PTOV1: variants seen among roughly 807,000 people sequenced by gnomAD.
PTOV1 encodes prostate tumor-overexpressed gene 1 protein.
In PTOV1, 20 loss-of-function variants were observed where a neutral mutation model predicts 58.0. The observed-to-expected ratio is 0.34, with a 90% CI of 0.24 to 0.50. The LOEUF (loss-of-function observed/expected upper bound fraction) is 0.50. Ranked by LOEUF, PTOV1 falls within the 20% of genes least tolerant of loss-of-function variation. PTOV1 has a pLI of 0.98. For missense variants in PTOV1, 593 were observed against 565.4 expected (o/e 1.05, Z -0.50); for synonymous variants, 335 against 234.2 (o/e 1.43, Z -3.93).
At position 49,858,122 on chromosome 19, in the gene PTOV1, G is replaced by A. The variant is rs755010048; in HGVS notation, c.936+8G>A. On this transcript the variant is annotated splice_region_variant and intron_variant, in intron 9 of 11. Transcript: ENST00000391842. ...ATCCCGCAGCAGCTGCTGGTGAGGG[G>A]CTGGGGCCGGGTGCTGGAGCCTGCA... 1.6e-5 allele frequency: 25 copies of A among 1,612,454 alleles called. No individual in the cohort carries two copies. The highest frequency in any genetic ancestry group is 2.0e-5 in the Non-Finnish European group (24 of 1,179,716).
intron 1 of PTOV1, chr19:49,852,113 G>C: frequency 1.0e-6 from 1 of 977,264 alleles, no homozygotes; most frequent in Non-Finnish European, 1.2e-6. Flanking sequence ...AGATGCACAT[G>C]CTTTTCAGAA....
At chr19:49,860,174 G>A in exon 11 of PTOV1, 2 of 1,614,184 alleles carry the variant, frequency 1.2e-6, no homozygotes, top group Non-Finnish European at 1.7e-6. Flanking sequence ...AGGAGCAACA[G>A]CAACGAGGGG....
In PTOV1 at chr19:49,860,196, G is replaced by A. The variant is rs1480771342; in HGVS notation, c.1239+13G>A. 1 of 1,613,844 alleles carries A rather than the reference G, an allele frequency of 6.2e-7. No homozygotes were observed. Among genetic ancestry groups the A allele is most frequent in the Non-Finnish European group, 8.5e-7 (1 of 1,179,958 alleles). On this transcript the variant is annotated intron_variant, in intron 11 of 11. Coordinates refer to ENST00000391842, the Ensembl canonical transcript of PTOV1. ...ACAGCAACGAGGGGTGAGGTGGCCG[G>A]CCTCCAGGGCTGCTCAGTCTCCCTC... is the stretch of plus-strand genomic sequence containing the variant.
chr19:49,859,889 T>C (rs1458994892), intron 10 of PTOV1, 97 bp from the exon 11 acceptor site: 3 of 1,330,046 alleles, frequency 2.3e-6, no homozygotes, highest in Non-Finnish European at 3.2e-6. Context: ...GCAGTTAGGC[T>C]GTGCCTGGCT....
chr19:49,860,537 G>A (rs1040897391), exon 12 of PTOV1: 2 of 606,350 alleles, frequency 3.3e-6, no homozygotes, highest in African/African-American at 1.9e-5. Context: ...GGTGGGGCCA[G>A]GCCTCTGCTC....
At chr19:49,857,543 G>A (rs989175272) in intron 6 of PTOV1, 150 bp from the exon 7 acceptor site, 2 of 738,396 alleles carry the variant, frequency 2.7e-6, no homozygotes, top group Non-Finnish European at 4.6e-6. Flanking sequence ...GAGCAGATGA[G>A]GGGCAGGGCC....
chr19:49,854,238 C>T (rs928379422), intron 1 of PTOV1, among the ~76,000 whole-genome samples, 168 bp from the exon 2 acceptor site: 3 of 152,100 alleles, frequency 2.0e-5, no homozygotes, highest in African/African-American at 7.2e-5. Flanking sequence ...TGAGGACCAG[C>T]GTGTGGGGGT....
chr19:49,852,564 C>T (rs1004077854), intron 1 of PTOV1: 1 of 152,198 alleles, frequency 6.6e-6, no homozygotes, highest in African/African-American at 2.4e-5. Flanking sequence ...TGCACCTTAA[C>T]CGTCGTTTTT....
chr19:49,852,834 C>G (rs188251788), intron 1 of PTOV1: 27 of 152,330 alleles, frequency 1.8e-4, no homozygotes, highest in African/African-American at 5.3e-4. Context: ...GGTCCCAGCG[C>G]CATAAACAAC....
At chr19:49,851,080 TC>T, upstream of PTOV1, 2 of 1,446,456 alleles carry the variant, frequency 1.4e-6, no homozygotes, top group Non-Finnish European at 9.1e-7. Context: ...CGGGCCCCGC[TC>T]CCCCGCGCCG....
chr19:49,854,340 G>A (rs1430074499), intron 1 of PTOV1, 66 bp from the exon 2 acceptor site: 1 of 1,558,898 alleles, frequency 6.4e-7, no homozygotes, highest in Non-Finnish European at 8.7e-7. Flanking sequence ...TCTGGGGTGT[G>A]TGGGGACTGC....
At chr19:49,850,999 G>A (rs1005505052), upstream of PTOV1, 4 of 1,533,566 alleles carry the variant, frequency 2.6e-6, no homozygotes, top group South Asian at 2.4e-5. Context: ...GTTGTGGCTC[G>A]CGCGTCTTCC....
chr19:49,858,513 G>A (rs1274992467), intron 9 of PTOV1, 36 bp from the exon 10 acceptor site: 8 of 1,529,066 alleles, frequency 5.2e-6, no homozygotes, highest in Non-Finnish European at 7.1e-6. Flanking sequence ...CGTGGTGGGA[G>A]AAGCCAGAGC....
Position 49,858,545 on chromosome 19 carries a change from G to A in PTOV1, c.937-4G>A, listed in dbSNP as rs748128265. 17 of 1,591,028 alleles carry A rather than the reference G, an allele frequency of 1.1e-5. No homozygotes were observed. The highest frequency in any genetic ancestry group is 4.6e-5 in the East Asian group (2 of 43,746). On this transcript the variant is annotated splice_polypyrimidine_tract_variant and splice_region_variant and intron_variant, in intron 9 of 11. Coordinates refer to ENST00000391842, the Ensembl canonical transcript of PTOV1. ...GAGCTGGGGGTCCCCTCGCTTCCCC[G>A]CAGACCACCCTAGTGCCGCTGTTCC... is the stretch of plus-strand genomic sequence containing the variant.
chr19:49,855,214 T>C, intron 5 of PTOV1, 137 bp downstream of exon 5: 1 of 794,480 alleles, frequency 1.3e-6, no homozygotes, highest in Non-Finnish European at 2.1e-6. Flanking sequence ...TCGGACCCCA[T>C]CTGGAAATGA....
At chr19:49,851,799 G>A (rs942345874) in intron 1 of PTOV1, 2 of 1,033,094 alleles carry the variant, frequency 1.9e-6, no homozygotes, top group Admixed American at 5.7e-5. Flanking sequence ...ACAGGCAGCC[G>A]GCACGCTCGC....
rs2074250082 is a variant in PTOV1 at position 49,851,586 on chromosome 19, C to A, written c.171+87C>A. On this transcript the variant is annotated intron_variant, in intron 1 of 11. Coordinates refer to ENST00000391842, the Ensembl canonical transcript of PTOV1. ...GGCTCACGCCTTTGTCCGCAGCCCC[C>A]GCCGCTCCGGGGTGTCCCCTGTGGC... 7 of 1,029,902 alleles carry A rather than the reference C, an allele frequency of 6.8e-6. No individual in the cohort carries two copies. In the South Asian group the frequency reaches 2.9e-4, roughly 42 times the overall value. 63.8% of individuals were successfully genotyped at this position (1,029,902 alleles called of 1,614,324 possible).
At chr19:49,850,754 G>A, upstream of PTOV1, 1 of 1,163,072 alleles carries the variant, frequency 8.6e-7, no homozygotes, top group Non-Finnish European at 1.2e-6. Context: ...AGGCTCGGGT[G>A]CAATCCGTAC....
In PTOV1 at chr19:49,860,326, C is replaced by T. The variant is rs374644813; in HGVS notation, c.*47C>T. 1.4e-4 allele frequency: 231 copies of T among 1,603,910 alleles called. 1 individual carries two copies. The African/African-American group carries it at 1.9e-3, about 13-fold the overall frequency. On this transcript the variant is annotated 3_prime_UTR_variant, in exon 12 of 12. Coordinates refer to ENST00000391842, the Ensembl canonical transcript of PTOV1. The stretch of plus-strand genomic sequence containing the variant: ...CTCCAGGAGTCACAGATGAGGCCCC[C>T]GCAGAGACTGGTGAGTGGTGACCCT...
Sources: allele counts gnomAD v4.1 joint callset (sites outside exome capture counted in the v4.1 genomes callset), GRCh38; gene constraint gnomAD v4.1.1; transcripts MANE v1.5; gene names NCBI Gene and HGNC (gene_info 2026-07-23, HGNC 2026-07-21).